CDK12: variants seen among roughly 807,000 people sequenced by gnomAD.
CDK12 encodes cyclin-dependent kinase 12.
A neutral mutation model predicts 133.8 loss-of-function variants in CDK12; 17 were observed. The observed-to-expected ratio is 0.13, with a 90% CI of 0.09 to 0.19. CDK12 has a LOEUF of 0.19. Ranked by LOEUF, CDK12 falls within the 10% of genes least tolerant of loss-of-function variation. The pLI is 1.00. For synonymous variants in CDK12, 694 were observed against 683.6 expected (o/e 1.02, Z -0.24); for missense variants, 1,508 against 1,818.7 (o/e 0.83, Z 3.11).
At chr17:39,519,548 T>C (rs1390907211) in intron 10 of CDK12, among the ~76,000 whole-genome samples, 1 of 151,624 alleles carries the variant, frequency 6.6e-6, no homozygotes, top group Non-Finnish European at 1.5e-5. Context: ...CCCAAAGTGC[T>C]GTGTGGGACT....
downstream of CDK12, among the ~76,000 whole-genome samples, chr17:39,536,894 G>A (rs2055157277): frequency 6.6e-6 from 1 of 152,166 alleles, no homozygotes; most frequent in Non-Finnish European, 1.5e-5. Flanking sequence ...GAATAAGAAG[G>A]TATAGCCATG....
At chr17:39,478,505 T>G (rs917207249) in intron 2 of CDK12, among the ~76,000 whole-genome samples, 3 of 152,254 alleles carry the variant, frequency 2.0e-5, no homozygotes, top group African/African-American at 7.2e-5. Context: ...TGGCCATGAT[T>G]ATTATCAGTA....
At chr17:39,527,135 G>A (rs1276137329) in intron 13 of CDK12, among the ~76,000 whole-genome samples, 2 of 152,188 alleles carry the variant, frequency 1.3e-5, no homozygotes, top group Non-Finnish European at 2.9e-5. Context: ...CCCATGAATT[G>A]GGGAATAAGA....
chr17:39,508,214 G>T (rs1014467768), intron 6 of CDK12, among the ~76,000 whole-genome samples: 3 of 152,072 alleles, frequency 2.0e-5, no homozygotes, highest in Non-Finnish European at 4.4e-5. Context: ...GGGGGAGAAG[G>T]TTCTGAAAAA....
At chr17:39,499,738 T>C (rs2052579809) in intron 5 of CDK12, among the ~76,000 whole-genome samples, 1 of 151,834 alleles carries the variant, frequency 6.6e-6, no homozygotes, top group African/African-American at 2.4e-5. Context: ...GGTCTCGAAC[T>C]CCTGACCTCA....
intron 3 of CDK12, among the ~76,000 whole-genome samples, chr17:39,558,078 G>C (rs1175883150): frequency 6.6e-6 from 1 of 152,172 alleles, no homozygotes; most frequent in Non-Finnish European, 1.5e-5. Flanking sequence ...AAGTTAGCAG[G>C]GCTGATATTG....
In CDK12 at chr17:39,534,437, G is replaced by GTA. The variant is rs1439354393; in HGVS notation, c.*3122_*3123insAT. 12 of 232,772 alleles carry GTA rather than the reference G, an allele frequency of 5.2e-5. No homozygotes were observed. The highest frequency in any genetic ancestry group is 2.6e-4 in the African/African-American group (12 of 45,376). 14.4% of individuals were successfully genotyped at this position (232,772 alleles called of 1,614,324 possible). On this transcript the variant is annotated 3_prime_UTR_variant, in exon 14 of 14. Coordinates refer to ENST00000447079, the MANE Select transcript of CDK12 (RefSeq NM_016507.4). ...CTCTCTCGTTTTTGACCCCCATTGG[G>GTA]TGTATCTTGTCTATGTACAGATATT...
intron 2 of CDK12, among the ~76,000 whole-genome samples, chr17:39,485,494 C>T (rs2051050858): frequency 7.1e-6 from 1 of 141,048 alleles, no homozygotes; most frequent in Non-Finnish European, 1.5e-5. Context: ...GCTCACTAAT[C>T]TCCACCTCCC....
At position 39,530,968 on chromosome 17, in the gene CDK12, C is replaced by G; in HGVS notation, c.4125C>G (p.Thr1375=). 6.2e-7 allele frequency: 1 copy of G among 1,614,198 alleles called. No homozygotes were observed. Among genetic ancestry groups the G allele is most frequent in the Non-Finnish European group, 8.5e-7 (1 of 1,180,020 alleles). The change falls in exon 14 of 14, where the codon ACC becomes ACG. Residue 1375 remains threonine (T), a synonymous_variant. Coordinates refer to ENST00000447079, the MANE Select transcript of CDK12 (RefSeq NM_016507.4). ...SLVQTLVKNR[T]FSGSLSHLGE... ...TCCAGACCCTGGTGAAGAACAGGAC[C>G]TTCTCAGGCTCTCTGAGCCACCTTG...
chr17:39,502,726 GATGA>G (rs2052812761), intron 6 of CDK12, among the ~76,000 whole-genome samples: 1 of 152,154 alleles, frequency 6.6e-6, no homozygotes, highest in African/African-American at 2.4e-5. Context: ...AACCTTGAGG[GATGA>G]ATAAGAATTT....
chr17:39,543,507 G>A (rs1223489339), upstream of CDK12, among the ~76,000 whole-genome samples: 1 of 152,248 alleles, frequency 6.6e-6, no homozygotes, highest in African/African-American at 2.4e-5. Flanking sequence ...AAGCAGAATG[G>A]TGAAGGGAGG....
chr17:39,463,207 G>GTGTTT (rs1216697424), intron 1 of CDK12, 90 bp downstream of exon 1: 11 of 1,139,564 alleles, frequency 9.7e-6, no homozygotes, highest in Non-Finnish European at 1.4e-5. Flanking sequence ...GAAGCCCGCA[G>GTGTTT]TGTTCATCAT....
At chr17:39,491,988 G>A (rs1480447411) in intron 3 of CDK12, among the ~76,000 whole-genome samples, 2 of 149,090 alleles carry the variant, frequency 1.3e-5, no homozygotes, top group Admixed American at 6.7e-5. Flanking sequence ...TTAGCTGGGC[G>A]GGGTGGCGCC....
intron 2 of CDK12, among the ~76,000 whole-genome samples, chr17:39,553,605 C>A (rs1304068387): frequency 1.3e-5 from 2 of 152,208 alleles, no homozygotes; most frequent in African/African-American, 4.8e-5. Flanking sequence ...TGAGGTCTCT[C>A]ACACTCCTTT....
intron 9 of CDK12, 63 bp from the exon 10 acceptor site, chr17:39,517,377 A>G: frequency 2.2e-6 from 2 of 929,596 alleles, no homozygotes; most frequent in South Asian, 1.4e-5. Flanking sequence ...TGCTTCTGAA[A>G]CCTCCGGAAT....
intron 2 of CDK12, among the ~76,000 whole-genome samples, chr17:39,551,669 TCATGTGGTGC>T (rs1020224773): frequency 1.3e-5 from 2 of 152,184 alleles, no homozygotes; most frequent in African/African-American, 4.8e-5. Flanking sequence ...GCTCCTGAAT[TCATGTGGTGC>T]CATGGCCTTA....
intron 8 of CDK12, among the ~76,000 whole-genome samples, chr17:39,513,811 A>G (rs2053632580): frequency 1.3e-5 from 2 of 152,194 alleles, no homozygotes; most frequent in African/African-American, 4.8e-5. Flanking sequence ...TTGGTGATTC[A>G]TGGTAGTCTC....
chr17:39,517,593 C>A (rs2146515849), intron 10 of CDK12, 37 bp downstream of exon 10: 3 of 1,307,806 alleles, frequency 2.3e-6, no homozygotes, highest in Non-Finnish European at 3.3e-6. Context: ...GTTTCTGTGT[C>A]TGGCTGGTGT....
chr17:39,489,555 A>G (rs1374673996), intron 2 of CDK12, among the ~76,000 whole-genome samples: 1 of 142,372 alleles, frequency 7.0e-6, no homozygotes, highest in African/African-American at 2.6e-5. Flanking sequence ...CCTGGGCTGG[A>G]GTGCAGTGGC....
Sources: gnomAD v4.1 joint callset for allele counts (sites outside exome capture counted in the v4.1 genomes callset) on GRCh38, gnomAD v4.1.1 for gene constraint, MANE v1.5 for transcripts, NCBI Gene and HGNC (gene_info 2026-07-23, HGNC 2026-07-21) for gene names.